Variants in HNRNPU observed in about 807,000 individuals in gnomAD.
HNRNPU encodes the protein heterogeneous nuclear ribonucleoprotein U, also known as HNRNPU antisense RNA 1.
Under a neutral mutation model 94.7 loss-of-function variants are expected in HNRNPU, and 5 were observed. The observed-to-expected ratio is 0.05, with a 90% CI of 0.03 to 0.11. The LOEUF (loss-of-function observed/expected upper bound fraction) is 0.11, where lower values mean the gene tolerates loss of function less well. Ranked by LOEUF, HNRNPU falls within the 10% of genes least tolerant of loss-of-function variation. HNRNPU has a pLI of 1.00. For synonymous variants in HNRNPU, 434 were observed against 381.6 expected (o/e 1.14, Z -1.60); for missense variants, 710 against 1,049.2 (o/e 0.68, Z 4.47).
In HNRNPU at chr1:244,854,706, TGTTA is replaced by T. The variant is rs1313085866; in HGVS notation, c.2425-207_2425-204del. 2.7e-5 allele frequency: 15 copies of T among 554,138 alleles called. 1 individual carries two copies. Among genetic ancestry groups the T allele is most frequent in the South Asian group, 1.6e-4 (6 of 37,234 alleles). 34.3% of individuals were successfully genotyped at this position (554,138 alleles called of 1,614,324 possible). Reference sequence around the variant, plus strand: ...ATTACAAAACGAAACATCATGACTTTGTTAGTTTACACAATTAAAGCTAGCAGTA... The same window carrying T: ...ATTACAAAACGAAACATCATGACTTTGTTTACACAATTAAAGCTAGCAGTA... On this transcript the variant is annotated intron_variant, in intron 13 of 13. Coordinates refer to ENST00000640218, the MANE Select transcript of HNRNPU (RefSeq NM_031844.3).
chr1:244,862,486 A>T lies in HNRNPU; in HGVS notation c.852T>A (p.Asp284Glu), dbSNP rs1303336030. The change falls in exon 3 of 14, where the codon GAT (aspartate) becomes GAA (glutamate). Residue 284 changes from aspartate (D) to glutamate (E), a missense_variant. Asp to Glu is a conservative substitution (Grantham distance 45). Coordinates refer to ENST00000640218, the MANE Select transcript of HNRNPU (RefSeq NM_031844.3). ...AAGTATCAAGACAAACCACTGTGTC[A>T]TCGAAGTGTTCATCTTCTTCTTCAA... The part of the protein sequence containing the change: ...PPVEEEDEHF[D>E]DTVVCLDTYN... 6.2e-7 allele frequency: 1 copy of T among 1,613,550 alleles called. No homozygotes were observed. The highest frequency in any genetic ancestry group is 1.3e-5 in the African/African-American group (1 of 74,808).
Position 244,856,464 on chromosome 1 carries a change from T to C in HNRNPU, c.1905A>G (p.Lys635=). The C allele has an allele frequency of 6.2e-7, 1 of 1,607,014 alleles. No homozygotes were observed. Among genetic ancestry groups the C allele is most frequent in the Non-Finnish European group, 8.5e-7 (1 of 1,177,950 alleles). Residue 635 remains lysine, a synonymous_variant, in exon 10 of 14, where the codon AAA becomes AAG. Transcript: ENST00000640218. The stretch of plus-strand genomic sequence containing the variant: ...AGAATTAAAATTCCATGCCTTTCAT[T>C]TTGAGGACCGCATGTTCTGGTAGGT... ...GKDLPEHAVL[K]MKGNFTLPEV...
chr1:244,863,042 C>A, intron 1 of HNRNPU: 1 of 323,446 alleles, frequency 3.1e-6, no homozygotes, highest in South Asian at 4.2e-5. Flanking sequence ...GAGCCCGGCG[C>A]GGCGGCGCTC....
chr1:244,859,693 C>A, intron 4 of HNRNPU: 1 of 182,680 alleles, frequency 5.5e-6, no homozygotes, highest in Admixed American at 6.1e-5. Flanking sequence ...GTAATGTAAC[C>A]AAATTTTATT....
At position 244,864,164 on chromosome 1, in the gene HNRNPU, C is replaced by T. The variant is rs1354235783; in HGVS notation, c.144G>A (p.Gly48=). The T allele has an allele frequency of 2.5e-6, 4 of 1,605,402 alleles. No homozygotes were observed. In the African/African-American group the frequency reaches 4.0e-5, roughly 16 times the overall value. Residue 48 remains glycine, a synonymous_variant, in exon 1 of 14, where the codon GGG becomes GGA. Coordinates refer to ENST00000640218, the MANE Select transcript of HNRNPU (RefSeq NM_031844.3). ...TCCCGGGCTCCATGGCGGGGCGGCC[C>T]CCGGCCTCCTCGTCGTCCAGCGCAG... ...LQAALDDEEA[G]GRPAMEPGNG... is the part of the protein sequence containing the mutation.
rs1285972877 is a variant in HNRNPU at position 244,859,327 on chromosome 1, G to A, written c.1065C>T (p.Asp355=). The A allele has an allele frequency of 6.3e-7, 1 of 1,597,998 alleles. No individual in the cohort carries two copies. Among genetic ancestry groups the A allele is most frequent in the Non-Finnish European group, 8.6e-7 (1 of 1,165,802 alleles). Reference sequence around the variant, plus strand: ...ACCAGCCAATACGAACTTCATGTATGTCAATATCTTTTGTATATAAATGCC... The same window carrying A: ...ACCAGCCAATACGAACTTCATGTATATCAATATCTTTTGTATATAAATGCC... The part of the protein sequence containing the change: ...PVRHLYTKDI[D]IHEVRIGWSL... The change falls in exon 5 of 14, where the codon GAC becomes GAT. Residue 355 remains aspartate (D), a synonymous_variant. Transcript: ENST00000640218.
rs1317989761 is a variant in HNRNPU at position 244,863,675 on chromosome 1, T to C, written c.633A>G (p.Gly211=). ...PGARQGQQQA[G]GKKKAEGGGG... is the part of the protein sequence containing the mutation. ...CGCCGCCTTCCGCCTTCTTCTTACC[T>C]CCCGCCTGCTGCTGGCCCTGCCTCG... Residue 211 remains glycine, a synonymous_variant, in exon 1 of 14, where the codon GGA becomes GGG. Coordinates refer to ENST00000640218, the MANE Select transcript of HNRNPU (RefSeq NM_031844.3). 1 of 1,561,472 alleles carries C rather than the reference T, an allele frequency of 6.4e-7. No homozygotes were observed. The highest frequency in any genetic ancestry group is 8.6e-7 in the Non-Finnish European group (1 of 1,164,026).
chr1:244,863,061 C>A (rs1254829148), intron 1 of HNRNPU: 2 of 296,476 alleles, frequency 6.7e-6, no homozygotes, highest in African/African-American at 2.3e-5. Context: ...TCCCCTCCCC[C>A]GCGGGCCCGC....
Position 244,858,066 on chromosome 1 carries a change from G to A in HNRNPU, c.1439C>T (p.Pro480Leu), listed in dbSNP as rs1171471843. 5 of 1,613,658 alleles carry A rather than the reference G, an allele frequency of 3.1e-6. No homozygotes were observed. The African/African-American group carries it at 5.3e-5, about 17-fold the overall frequency. Residue 480 changes from proline to leucine, a missense_variant, in exon 7 of 14, where the codon CCC becomes CTC. Coordinates refer to ENST00000640218, the MANE Select transcript of HNRNPU (RefSeq NM_031844.3). ...PEEYTFIQNV[P>L]LEDRVRGPKG... is the part of the protein sequence containing the mutation. ...TGGTCCTCTAACTCGATCCTCTAAG[G>A]GGACGTTCTGGATGAAAGTATACTC...
chr1:244,863,410 A>ACT (rs1680902414), intron 1 of HNRNPU, among the ~76,000 whole-genome samples: 1 of 143,740 alleles, frequency 7.0e-6, no homozygotes, highest in South Asian at 2.3e-4. Context: ...ACACACACAC[A>ACT]CACACACACA....
intron 8 of HNRNPU, 178 bp from the exon 9 acceptor site, chr1:244,857,034 T>G: frequency 2.0e-6 from 1 of 502,588 alleles, no homozygotes; most frequent in Non-Finnish European, 3.5e-6. Flanking sequence ...ACCTTACACT[T>G]ACTCAATTCT....
chr1:244,862,834 T>C (rs1484751607), intron 1 of HNRNPU, 104 bp from the exon 2 acceptor site: 1 of 803,060 alleles, frequency 1.2e-6, no homozygotes, highest in South Asian at 1.4e-5. Flanking sequence ...GCTTTTTAAC[T>C]GAGGTTTTAA....
At position 244,855,524 on chromosome 1, in the gene HNRNPU, T is replaced by C. The variant is rs772644265; in HGVS notation, c.2252A>G (p.Tyr751Cys). The stretch of plus-strand genomic sequence containing the variant: ...AAAAACAGGGGCACGAGGGTATGGA[T>C]AGCCGATTCCACCACTTCCTCCACC... ...GGGGGSGGIG[Y>C]PYPRAPVFPG... Residue 751 changes from tyrosine (Y) to cysteine (C), a missense_variant, in exon 12 of 14, where the codon TAT (tyrosine) becomes TGT (cysteine). Physicochemically the swap from Tyr to Cys is radical, Grantham distance 194. Coordinates refer to ENST00000640218, the MANE Select transcript of HNRNPU (RefSeq NM_031844.3). 9 of 1,614,058 alleles carry C rather than the reference T, an allele frequency of 5.6e-6. No homozygotes were observed. Among genetic ancestry groups the C allele is most frequent in the East Asian group, 2.2e-5 (1 of 44,876 alleles).
chr1:244,863,546 G>A (rs1680912472), intron 1 of HNRNPU, 71 bp downstream of exon 1: 1 of 1,248,692 alleles, frequency 8.0e-7, no homozygotes, highest in Non-Finnish European at 1.0e-6. Context: ...GCGGGGCTCC[G>A]GCAGGCCTGG....
intron 3 of HNRNPU, 83 bp from the exon 4 acceptor site, chr1:244,860,557 TTTTGCA>T (rs1680799354): frequency 9.2e-7 from 1 of 1,091,162 alleles, no homozygotes. Flanking sequence ...GTTACTTAAT[TTTTGCA>T]TGTACTTCTT....
intron 12 of HNRNPU, 138 bp downstream of exon 12, chr1:244,855,284 ACC>A (rs1680647961): frequency 1.2e-6 from 1 of 855,398 alleles, no homozygotes; most frequent in Non-Finnish European, 1.9e-6. Flanking sequence ...GACTCATTTC[ACC>A]ATTACTAGTT....
At chr1:244,860,131 C>G in intron 4 of HNRNPU, 1 of 462,778 alleles carries the variant, frequency 2.2e-6, no homozygotes, top group Middle Eastern at 4.2e-4. Flanking sequence ...GAAACCCCAT[C>G]TCTATTAAAA....
rs1344835831 is a variant in HNRNPU at position 244,855,896 on chromosome 1, T to C, written c.2167+8A>G. 6.2e-7 allele frequency: 1 copy of C among 1,612,938 alleles called. No individual in the cohort carries two copies. The highest frequency in any genetic ancestry group is 1.3e-5 in the African/African-American group (1 of 74,788). ...GAACTAAATACAGAACACTCAAAAT[T>C]AACTTGCCTCCTCCTCTGAAATTTC... is the stretch of plus-strand genomic sequence containing the variant. On this transcript the variant is annotated splice_region_variant and intron_variant, in intron 11 of 13. Coordinates refer to ENST00000640218, the MANE Select transcript of HNRNPU (RefSeq NM_031844.3).
rs1270148564 is a variant in HNRNPU, at chr1:244,863,635, G to A, written c.673C>T (p.Pro225Ser). 1 of 1,542,278 alleles carries A rather than the reference G, an allele frequency of 6.5e-7. No individual in the cohort carries two copies. Among genetic ancestry groups the A allele is most frequent in the Non-Finnish European group, 8.6e-7 (1 of 1,157,636 alleles). The change falls in exon 1 of 14, where the codon CCC becomes TCC. Residue 225 changes from proline (P) to serine (S), a missense_variant. This residue lies in a region of HNRNPU where 292 missense variants were observed against 293.4 expected (regional missense o/e 1.00). Transcript: ENST00000640218. Reference protein sequence around the residue: ...KAEGGGGGGRPGAPAAGDGKT... With the variant: ...KAEGGGGGGRSGAPAAGDGKT... The stretch of plus-strand genomic sequence containing the variant: ...CACTCACCCGCCGCCGGAGCCCCGG[G>A]GCGACCGCCGCCTCCGCCGCCTTCC...
Sources: allele counts gnomAD v4.1 joint callset (sites outside exome capture counted in the v4.1 genomes callset), GRCh38; gene constraint gnomAD v4.1.1; regional missense constraint gnomAD v4.1.1; transcripts MANE v1.5; gene names NCBI Gene and HGNC (gene_info 2026-07-23, HGNC 2026-07-21).